The following TRIM16 variants were observed in gnomAD, a reference collection of about 807,000 sequenced individuals.
TRIM16 encodes tripartite motif containing 16, also known as tripartite motif-containing protein 16.
In TRIM16, 33 loss-of-function variants were observed where a neutral mutation model predicts 50.4. The observed-to-expected ratio is 0.65, with a 90% CI of 0.50 to 0.88. The LOEUF (loss-of-function observed/expected upper bound fraction) is 0.88, where lower values mean the gene tolerates loss of function less well. TRIM16 is among the 40% of genes least tolerant of loss of function. TRIM16 has a pLI of 0.00. For missense variants in TRIM16, 581 were observed against 686.8 expected (o/e 0.85, Z 1.72); for synonymous variants, 229 against 270.7 (o/e 0.85, Z 1.51).
At chr17:15,679,476 G>C (rs1271719614) in intron 4 of TRIM16, among the ~76,000 whole-genome samples, 1 of 151,956 alleles carries the variant, frequency 6.6e-6, no homozygotes, top group African/African-American at 2.4e-5. Context: ...CAAGAGCTTT[G>C]AGCAATAAAG....
rs1451491447 is a variant in TRIM16, at chr17:15,639,651, AGCACC to A, written c.615+3065_615+3069del. Among the ~76,000 whole-genome samples, 2 of 149,676 alleles carry A rather than the reference AGCACC, an allele frequency of 1.3e-5. 1 individual carries two copies. The highest frequency in any genetic ancestry group is 3.0e-5 in the Non-Finnish European group (2 of 67,304). On this transcript the variant is annotated intron_variant, in intron 8 of 11. Transcript: ENST00000649191. Reference sequence around the variant, plus strand: ...CCTCACCCTTGGGAGGAGGAATAGTAGCACCTTAACCAGCTGCTCAGAAAGACTGC... The same window carrying A: ...CCTCACCCTTGGGAGGAGGAATAGTATTAACCAGCTGCTCAGAAAGACTGC...
chr17:15,647,162 C>T (rs546266094), intron 7 of TRIM16, among the ~76,000 whole-genome samples: 1 of 151,594 alleles, frequency 6.6e-6, no homozygotes, highest in South Asian at 2.1e-4. Flanking sequence ...TTAGTAGAGA[C>T]AAGGTTTCAC....
At chr17:15,677,548 A>G (rs1415895802) in intron 5 of TRIM16, 27 bp downstream of exon 5, 2 of 1,045,616 alleles carry the variant, frequency 1.9e-6, no homozygotes, top group Non-Finnish European at 2.3e-6. Context: ...TGAAAGGTCA[A>G]TCTGGGGTGG....
intron 6 of TRIM16, among the ~76,000 whole-genome samples, chr17:15,664,959 G>C (rs1226816453): frequency 2.6e-5 from 4 of 151,276 alleles, no homozygotes; most frequent in Non-Finnish European, 5.9e-5. Context: ...TTGAACCCGG[G>C]AGGTGGAGGT....
chr17:15,657,382 G>A (rs1191618903), intron 6 of TRIM16, among the ~76,000 whole-genome samples: 2 of 152,172 alleles, frequency 1.3e-5, no homozygotes, highest in African/African-American at 4.8e-5. Flanking sequence ...GATTACAGGT[G>A]CACACTACTG....
At chr17:15,664,072 G>T (rs1299032455) in intron 6 of TRIM16, among the ~76,000 whole-genome samples, 1 of 152,192 alleles carries the variant, frequency 6.6e-6, no homozygotes. Flanking sequence ...CAGGTTCTAG[G>T]AGCCAGATGT....
At chr17:15,679,494 A>G (rs1318072843) in intron 4 of TRIM16, among the ~76,000 whole-genome samples, 1 of 152,228 alleles carries the variant, frequency 6.6e-6, no homozygotes, top group Non-Finnish European at 1.5e-5. Context: ...AAGGCCCATT[A>G]CACCTGTTAA....
At chr17:15,648,644 C>G (rs753577723) in intron 7 of TRIM16, among the ~76,000 whole-genome samples, 3 of 152,212 alleles carry the variant, frequency 2.0e-5, no homozygotes, top group Non-Finnish European at 4.4e-5. Context: ...GCTGAAGGGA[C>G]TACTGGGCTT....
At chr17:15,677,105 A>G in intron 6 of TRIM16, 71 bp downstream of exon 6, 2 of 918,826 alleles carry the variant, frequency 2.2e-6, no homozygotes, top group Non-Finnish European at 1.3e-6. Flanking sequence ...CATTTTCTAC[A>G]GGCCCGGAGG....
chr17:15,634,704 C>G (rs2323791), intron 9 of TRIM16, among the ~76,000 whole-genome samples: 1 of 146,314 alleles, frequency 6.8e-6, no homozygotes, highest in Non-Finnish European at 1.5e-5. Context: ...CCCAGCTACT[C>G]GGGAGGCTGA....
At chr17:15,650,996 G>T in intron 7 of TRIM16, 95 bp downstream of exon 7, 2 of 1,495,120 alleles carry the variant, frequency 1.3e-6, no homozygotes, top group Non-Finnish European at 1.8e-6. Context: ...TCAGAGCATA[G>T]TAGTGGCGTC....
intron 6 of TRIM16, among the ~76,000 whole-genome samples, chr17:15,669,037 T>C (rs1988618032): frequency 6.6e-6 from 1 of 151,912 alleles, no homozygotes; most frequent in Admixed American, 6.6e-5. Context: ...AAAATAAACA[T>C]AGGAAAAGAC....
At chr17:15,657,805 T>A (rs1418956951) in intron 6 of TRIM16, among the ~76,000 whole-genome samples, 1 of 152,204 alleles carries the variant, frequency 6.6e-6, no homozygotes, top group Non-Finnish European at 1.5e-5. Context: ...GCCTACAGCT[T>A]GCTTAAATGC....
chr17:15,648,164 T>G (rs1287517462), intron 7 of TRIM16, among the ~76,000 whole-genome samples: 9 of 149,424 alleles, frequency 6.0e-5, no homozygotes, highest in African/African-American at 2.2e-4. Flanking sequence ...AGGCAGAGCT[T>G]GCAGTGAGCC....
At chr17:15,656,754 G>A (rs1320805163) in intron 6 of TRIM16, among the ~76,000 whole-genome samples, 1 of 152,016 alleles carries the variant, frequency 6.6e-6, no homozygotes, top group African/African-American at 2.4e-5. Flanking sequence ...TGGTTGGTTT[G>A]GTTTTTGTTT....
At chr17:15,655,169 T>C (rs900502228) in intron 6 of TRIM16, among the ~76,000 whole-genome samples, 3 of 152,176 alleles carry the variant, frequency 2.0e-5, no homozygotes, top group Non-Finnish European at 2.9e-5. Flanking sequence ...TGGCTTTCCT[T>C]TTAATCCCTT....
At position 15,631,468 on chromosome 17, in the gene TRIM16, T is replaced by C. The variant is rs188823658; in HGVS notation, c.1111+151A>G. 3.0e-5 allele frequency: 20 copies of C among 671,700 alleles called. No homozygotes were observed. The African/African-American group carries it at 3.5e-4, about 12-fold the overall frequency. 41.6% of individuals were successfully genotyped at this position (671,700 alleles called of 1,614,324 possible). A position where few individuals can be genotyped will look rare whatever the true frequency, so the allele number is the denominator to read the frequency against. On this transcript the variant is annotated intron_variant, in intron 11 of 11. Transcript: ENST00000649191. ...ATTTCAAAATGAAAAGTTAAAAAAA[T>C]TGTTTAAATTAAATTTTAAGAAATG...
chr17:15,668,175 G>A (rs1988579625), intron 6 of TRIM16, among the ~76,000 whole-genome samples: 1 of 152,184 alleles, frequency 6.6e-6, no homozygotes, highest in South Asian at 2.1e-4. Flanking sequence ...GCTCTACATG[G>A]ACTCCAGCTA....
Position 15,628,087 on chromosome 17 carries a change from G to C in TRIM16, c.*528C>G, listed in dbSNP as rs1290940226. 2 of 152,920 alleles carry C rather than the reference G, an allele frequency of 1.3e-5. No homozygotes were observed. The highest frequency in any genetic ancestry group is 4.8e-5 in the African/African-American group (2 of 41,420). 9.5% of individuals were successfully genotyped at this position (152,920 alleles called of 1,614,324 possible). On this transcript the variant is annotated 3_prime_UTR_variant, in exon 12 of 12. Coordinates refer to ENST00000649191, the MANE Select transcript of TRIM16 (RefSeq NM_001348119.1). ...CTGAACAGAGAGGAGAATGGCACTA[G>C]AAGATGAGGGAGATTTGGTGCCTAA...
Sources: allele counts gnomAD v4.1 joint callset (sites outside exome capture counted in the v4.1 genomes callset), GRCh38; gene constraint gnomAD v4.1.1; transcripts MANE v1.5; gene names NCBI Gene and HGNC (gene_info 2026-07-23, HGNC 2026-07-21).